CDH13: variants seen among roughly 807,000 people sequenced by gnomAD.
CDH13 encodes cadherin-13.
CDH13 carries 24 observed loss-of-function variants against 63.8 expected under a neutral mutation model. The observed-to-expected ratio is 0.38, with a 90% confidence interval of 0.27 to 0.53. The LOEUF is 0.53. Ranked by LOEUF, CDH13 falls within the 20% of genes least tolerant of loss-of-function variation. The pLI is 0.85. For synonymous variants in CDH13, 503 were observed against 355.3 expected (o/e 1.42, Z -4.67); for missense variants, 1,049 against 903.1 (o/e 1.16, Z -2.07).
At chr16:83,364,095 A>G (rs2091214058) in intron 6 of CDH13, among the ~76,000 whole-genome samples, 1 of 152,250 alleles carries the variant, frequency 6.6e-6, no homozygotes, top group Non-Finnish European at 1.5e-5. Flanking sequence ...AACATGTTAT[A>G]TAAATGTCAA....
chr16:82,961,822 C>T (rs574371855), intron 2 of CDH13, among the ~76,000 whole-genome samples: 72 of 152,262 alleles, frequency 4.7e-4, no homozygotes, highest in African/African-American at 1.7e-3. Context: ...TTTTGGTTGT[C>T]ACCGTTGGGA....
chr16:83,734,948 T>C (rs2150955672), intron 10 of CDH13, among the ~76,000 whole-genome samples: 1 of 151,564 alleles, frequency 6.6e-6, no homozygotes, highest in East Asian at 1.9e-4. Context: ...GATAAGACAA[T>C]TGTAACTTTC....
chr16:83,157,622 C>T lies in CDH13; in HGVS notation c.483+32121C>T, dbSNP rs139895615. On this transcript the variant is annotated intron_variant, in intron 4 of 13. Coordinates refer to ENST00000567109, the MANE Select transcript of CDH13 (RefSeq NM_001257.5). ...GTAAAGAAATATGTCCGGCCGGGCGCGGTGGTTCACACCTGTCATCCCAGC... is the reference window on the plus strand; with the variant it reads ...GTAAAGAAATATGTCCGGCCGGGCGTGGTGGTTCACACCTGTCATCCCAGC... 9.8e-3 allele frequency among the ~76,000 whole-genome samples: 1,490 copies of T among 151,578 alleles called. 12 individuals are homozygous for T. Among genetic ancestry groups the T allele is most frequent in the Non-Finnish European group, 0.014 (926 of 67,910 alleles).
intron 7 of CDH13, among the ~76,000 whole-genome samples, chr16:83,537,350 G>C (rs1382462104): frequency 1.3e-5 from 2 of 152,190 alleles, no homozygotes; most frequent in Non-Finnish European, 2.9e-5. Context: ...GGCAATCCCT[G>C]TGTAGAACTT....
chr16:83,241,515 G>A (rs986167059), intron 5 of CDH13, among the ~76,000 whole-genome samples: 2 of 152,090 alleles, frequency 1.3e-5, no homozygotes, highest in East Asian at 3.9e-4. Flanking sequence ...ACTTGATAGT[G>A]GACATTTTAA....
At chr16:83,662,074 A>C (rs530089808) in intron 8 of CDH13, among the ~76,000 whole-genome samples, 1 of 152,324 alleles carries the variant, frequency 6.6e-6, no homozygotes, top group South Asian at 2.1e-4. Context: ...GGGGGACATT[A>C]GTATCAGTCC....
intron 4 of CDH13, among the ~76,000 whole-genome samples, chr16:83,146,175 C>T (rs561980645): frequency 2.5e-5 from 3 of 121,570 alleles, no homozygotes; most frequent in African/African-American, 1.0e-4. Flanking sequence ...GCCTGGGCGA[C>T]AGAGCAAGAC....
intron 5 of CDH13, among the ~76,000 whole-genome samples, chr16:83,341,148 T>A: frequency 6.6e-6 from 1 of 152,230 alleles, no homozygotes. Context: ...TTGTTTTGTT[T>A]TTAGAACCCA....
At chr16:83,576,553 A>T (rs1228260383) in intron 7 of CDH13, among the ~76,000 whole-genome samples, 1 of 152,184 alleles carries the variant, frequency 6.6e-6, no homozygotes, top group East Asian at 1.9e-4. Context: ...TAACTTTTTG[A>T]GGAACCATCA....
chr16:83,686,079 C>A (rs1904309331), intron 10 of CDH13, among the ~76,000 whole-genome samples: 1 of 152,170 alleles, frequency 6.6e-6, no homozygotes, highest in African/African-American at 2.4e-5. Context: ...GAGAGAACCT[C>A]CCTGAGCCGT....
chr16:82,662,657 T>C (rs1016197735), intron 1 of CDH13, among the ~76,000 whole-genome samples: 1 of 152,210 alleles, frequency 6.6e-6, no homozygotes, highest in Non-Finnish European at 1.5e-5. Flanking sequence ...ATGCGCTTTA[T>C]AATTATTCAT....
chr16:83,374,304 T>G (rs1375105337), intron 6 of CDH13, among the ~76,000 whole-genome samples: 2 of 152,206 alleles, frequency 1.3e-5, no homozygotes, highest in Non-Finnish European at 2.9e-5. Flanking sequence ...CTATTGTAAA[T>G]GAATAACCAT....
chr16:83,142,411 C>A (rs2036574096), intron 4 of CDH13, among the ~76,000 whole-genome samples: 1 of 152,056 alleles, frequency 6.6e-6, no homozygotes, highest in Non-Finnish European at 1.5e-5. Flanking sequence ...CCACCTGGGC[C>A]TCCCAAAGTG....
intron 1 of CDH13, among the ~76,000 whole-genome samples, chr16:82,854,369 C>G (rs1349386484): frequency 7.5e-6 from 1 of 132,800 alleles, no homozygotes; most frequent in African/African-American, 2.8e-5. Flanking sequence ...CCACTGCACT[C>G]CAACCTGGGT....
chr16:83,103,497 C>T (rs771103425), intron 3 of CDH13, among the ~76,000 whole-genome samples: 9 of 151,994 alleles, frequency 5.9e-5, no homozygotes, highest in African/African-American at 1.5e-4. Flanking sequence ...CCACCCACCT[C>T]GGCCTCCCAA....
At chr16:82,779,863 T>A (rs1597553470) in intron 1 of CDH13, among the ~76,000 whole-genome samples, 1 of 146,512 alleles carries the variant, frequency 6.8e-6, no homozygotes, top group Non-Finnish European at 1.5e-5. Context: ...CTCATAGTAT[T>A]TTGTCACGAG....
At chr16:82,795,824 G>T (rs1157575579) in intron 1 of CDH13, among the ~76,000 whole-genome samples, 1 of 152,070 alleles carries the variant, frequency 6.6e-6, no homozygotes. Context: ...GAGCTGCCAG[G>T]CTCAGTCTGG....
At chr16:83,651,447 A>T (rs1912364813) in intron 8 of CDH13, among the ~76,000 whole-genome samples, 1 of 152,108 alleles carries the variant, frequency 6.6e-6, no homozygotes, top group African/African-American at 2.4e-5. Flanking sequence ...TATTATTATT[A>T]TTAATTATTC....
At chr16:83,502,544 C>A (rs1428765911) in intron 7 of CDH13, among the ~76,000 whole-genome samples, 1 of 152,148 alleles carries the variant, frequency 6.6e-6, no homozygotes, top group Non-Finnish European at 1.5e-5. Flanking sequence ...CAGTTTGTTA[C>A]AGCAGCAATA....
Sources: gnomAD v4.1 joint callset for allele counts (sites outside exome capture counted in the v4.1 genomes callset) on GRCh38, gnomAD v4.1.1 for gene constraint, MANE v1.5 for transcripts, NCBI Gene and HGNC (gene_info 2026-07-23, HGNC 2026-07-21) for gene names.